Variants in GPR107 observed in about 807,000 individuals in gnomAD.
GPR107 encodes G protein-coupled receptor 107.
In GPR107, 31 loss-of-function variants were observed where a neutral mutation model predicts 75.5. The observed-to-expected ratio is 0.41, with a 90% CI of 0.31 to 0.55. The LOEUF (loss-of-function observed/expected upper bound fraction) is 0.55, where lower values mean the gene tolerates loss of function less well. Among genes scored for constraint, GPR107 ranks in the 20% least tolerant of loss-of-function variants. GPR107 has a pLI of 0.26. For missense variants in GPR107, 572 were observed against 665.7 expected, an observed-to-expected ratio of 0.86 and a Z score of 1.55; for synonymous variants, 267 against 251.3, an observed-to-expected ratio of 1.06 and a Z score of -0.59.
At chr9:130,086,585 C>G in intron 7 of GPR107, 109 bp downstream of exon 7, 1 of 715,552 alleles carries the variant, frequency 1.4e-6, no homozygotes. Context: ...TAGGTATGCC[C>G]TGTATCAGTC....
chr9:130,127,527 C>A lies in GPR107; in HGVS notation c.1401C>A (p.Leu467=). 1 of 1,604,252 alleles carries A rather than the reference C, an allele frequency of 6.2e-7. No individual in the cohort carries two copies. The highest frequency in any genetic ancestry group is 8.5e-7 in the Non-Finnish European group (1 of 1,170,974). The stretch of plus-strand genomic sequence containing the variant: ...TCACTAGGATCATTGCATTTCTCCT[C>A]AAACTCGCTGTTCCATTCCAGTGGA... ...IYFTRIIAFL[L]KLAVPFQWKW... is the part of the protein sequence containing the mutation. Residue 467 remains leucine (L), a synonymous_variant, in exon 16 of 18, where the codon CTC becomes CTA. Transcript: ENST00000347136.
chr9:130,100,232 T>C (rs182866091), intron 10 of GPR107, among the ~76,000 whole-genome samples: 21 of 152,248 alleles, frequency 1.4e-4, no homozygotes, highest in African/African-American at 5.1e-4. Context: ...TTCCCTCATG[T>C]TCCTCTGTGA....
rs1829914235 is a variant in GPR107, at chr9:130,060,995, T to A, written c.141+6922T>A. On this transcript the variant is annotated intron_variant, in intron 1 of 17. Transcript: ENST00000347136. ...ACATCACACAAAAGGAGTATGCACC[T>A]GAAACTTTATTTTGACTTAAAATCT... is the stretch of plus-strand genomic sequence containing the variant. Among the ~76,000 whole-genome samples, 4 of 152,220 alleles carry A rather than the reference T, an allele frequency of 2.6e-5. No homozygotes were observed. In the South Asian group the frequency reaches 8.3e-4, roughly 32 times the overall value.
rs561709922 is a variant in GPR107, at chr9:130,074,416, G to A, written c.142-1220G>A. On this transcript the variant is annotated intron_variant, in intron 1 of 17. Coordinates refer to ENST00000347136, the MANE Select transcript of GPR107 (RefSeq NM_020960.5). ...ACCAAGAATCAAATTGCAGACTTAC[G>A]GAAGGTGTTGCAATTTAGCCAAATC... Among the ~76,000 whole-genome samples, 5 of 152,232 alleles carry A rather than the reference G, an allele frequency of 3.3e-5. No homozygotes were observed. In the East Asian group the frequency reaches 7.7e-4, roughly 24 times the overall value.
intron 14 of GPR107, among the ~76,000 whole-genome samples, chr9:130,121,286 G>A (rs555095736): frequency 6.6e-6 from 1 of 152,134 alleles, no homozygotes; most frequent in Non-Finnish European, 1.5e-5. Flanking sequence ...ATTGTCTTGG[G>A]CCACACTTAA....
In GPR107 at chr9:130,068,228, G is replaced by A. The variant is rs147570805; in HGVS notation, c.142-7408G>A. ...GTAAGTCGGCTGGCTCAGTGAGACCGCAGGGGAAGGGGTAGCAGAAGAGCA... is the reference window on the plus strand; with the variant it reads ...GTAAGTCGGCTGGCTCAGTGAGACCACAGGGGAAGGGGTAGCAGAAGAGCA... On this transcript the variant is annotated intron_variant, in intron 1 of 17. Transcript: ENST00000347136. Among the ~76,000 whole-genome samples, 1,345 of 152,232 alleles carry A rather than the reference G, an allele frequency of 8.8e-3. 12 individuals carry two copies. The highest frequency in any genetic ancestry group is 0.014 in the Non-Finnish European group (980 of 68,018).
At chr9:130,094,050 G>A (rs997630788) in intron 9 of GPR107, among the ~76,000 whole-genome samples, 3 of 151,442 alleles carry the variant, frequency 2.0e-5, no homozygotes, top group Admixed American at 2.0e-4. Flanking sequence ...GCTGACCTCG[G>A]GTAATTTACC....
chr9:130,113,515 G>A (rs987556667), intron 14 of GPR107, among the ~76,000 whole-genome samples: 3 of 152,172 alleles, frequency 2.0e-5, no homozygotes, highest in African/African-American at 7.2e-5. Context: ...ATAGGTGTGA[G>A]CCACCACACC....
intron 13 of GPR107, among the ~76,000 whole-genome samples, chr9:130,105,440 A>G (rs1831135548): frequency 6.6e-6 from 1 of 152,000 alleles, no homozygotes; most frequent in Admixed American, 6.6e-5. Flanking sequence ...TATTTTTAGT[A>G]GAGACAGGGT....
intron 6 of GPR107, among the ~76,000 whole-genome samples, chr9:130,085,518 A>G (rs956682872): frequency 2.0e-5 from 3 of 152,092 alleles, no homozygotes; most frequent in African/African-American, 7.2e-5. Context: ...CAATCAAGGT[A>G]GTGAAATATC....
In GPR107 at chr9:130,127,566, G is replaced by A; in HGVS notation, c.1440G>A (p.Gln480=). The A allele has an allele frequency of 6.5e-7, 1 of 1,538,466 alleles. No homozygotes were observed. The highest frequency in any genetic ancestry group is 1.4e-5 in the African/African-American group (1 of 73,508). ...CATTCCAGTGGAAGTGGCTCTACCA[G>A]GTACGCTGCTCACAGGGCAGAATGC... ...AVPFQWKWLY[Q]LLDETATLVF... The change falls in exon 16 of 18, where the codon CAG becomes CAA. Residue 480 remains glutamine (Q), a splice_region_variant and synonymous_variant. Transcript: ENST00000347136.
chr9:130,133,912 C>T (rs1235283926), intron 17 of GPR107, among the ~76,000 whole-genome samples: 4 of 152,120 alleles, frequency 2.6e-5, no homozygotes, highest in Admixed American at 2.6e-4. Flanking sequence ...TTACCCCATA[C>T]AAACATTTAC....
At chr9:130,111,851 C>T (rs540697578) in intron 14 of GPR107, among the ~76,000 whole-genome samples, 38 of 152,156 alleles carry the variant, frequency 2.5e-4, no homozygotes, top group Non-Finnish European at 5.0e-4. Context: ...CCTTTAGCCG[C>T]GTCTTTGTCT....
chr9:130,085,754 A>ATTTTTTTTGTTTTTTTTTTT (rs1830598689), intron 6 of GPR107, among the ~76,000 whole-genome samples: 2 of 78,674 alleles, frequency 2.5e-5, no homozygotes, highest in African/African-American at 1.0e-4. Flanking sequence ...CAATATTTTG[A>ATTTTTTTTGTTTTTTTTTTT]TTTTTTTTTT....
rs779282470 is a variant in GPR107, at chr9:130,112,298, G to C, written c.1306+4759G>C. On this transcript the variant is annotated intron_variant, in intron 14 of 17. Coordinates refer to ENST00000347136, the MANE Select transcript of GPR107 (RefSeq NM_020960.5). The surrounding 1 kb of genome is among the most constrained non-coding windows in gnomAD (Gnocchi z 4.0). Reference sequence around the variant, plus strand: ...GCCGCCGTGCTCTGAAAGGAGCCGCGACCATGCGAGGCATTTGTTAGGGCA... The same window carrying C: ...GCCGCCGTGCTCTGAAAGGAGCCGCCACCATGCGAGGCATTTGTTAGGGCA... Among the ~76,000 whole-genome samples, 4 of 152,208 alleles carry C rather than the reference G, an allele frequency of 2.6e-5. No individual in the cohort carries two copies. Among genetic ancestry groups the C allele is most frequent in the African/African-American group, 4.8e-5 (2 of 41,458 alleles).
Position 130,135,291 on chromosome 9 carries a change from A to T in GPR107, c.*170A>T. On this transcript the variant is annotated 3_prime_UTR_variant, in exon 18 of 18. Transcript: ENST00000347136. ...GAAACCTGATTTTGTACTCTCTTTT[A>T]TGGAAACGATCTGTGGCTGTTTAGA... is the stretch of plus-strand genomic sequence containing the variant. The T allele has an allele frequency of 1.1e-5, 5 of 460,418 alleles. No individual in the cohort carries two copies. Among genetic ancestry groups the T allele is most frequent in the Non-Finnish European group, 1.5e-5 (4 of 259,110 alleles). The allele number at this position is 460,418 out of a possible 1,614,324, so 28.5% of individuals were successfully genotyped here.
At chr9:130,117,581 G>A (rs941134715) in intron 14 of GPR107, among the ~76,000 whole-genome samples, 1 of 152,216 alleles carries the variant, frequency 6.6e-6, no homozygotes, top group African/African-American at 2.4e-5. Flanking sequence ...TGTCCCCCAT[G>A]CTGAGTGAGC....
chr9:130,105,357 G>C (rs1165962224), intron 13 of GPR107, among the ~76,000 whole-genome samples: 2 of 151,840 alleles, frequency 1.3e-5, no homozygotes, highest in African/African-American at 4.8e-5. Flanking sequence ...GGGTTCAAGT[G>C]ATTCTCCTGC....
intron 9 of GPR107, 104 bp from the exon 10 acceptor site, chr9:130,099,353 A>G (rs976002073): frequency 5.7e-6 from 4 of 701,834 alleles, no homozygotes; most frequent in African/African-American, 5.3e-5. Flanking sequence ...GTTTGCACAG[A>G]TTATATTTCC....
Sources: allele counts gnomAD v4.1 joint callset (sites outside exome capture counted in the v4.1 genomes callset), GRCh38; gene constraint gnomAD v4.1.1; non-coding constraint Gnocchi (gnomAD v3.1); transcripts MANE v1.5; gene names NCBI Gene and HGNC (gene_info 2026-07-23, HGNC 2026-07-21).